The following ARHGEF11 variants were observed in gnomAD, a reference collection of about 807,000 sequenced individuals.
ARHGEF11 encodes Rho guanine exchange factor (GEF) 11.
A neutral mutation model predicts 193.7 loss-of-function variants in ARHGEF11; 55 were observed. The observed-to-expected ratio is 0.28, with a 90% confidence interval of 0.23 to 0.36. The LOEUF is 0.36. Among genes scored for constraint, ARHGEF11 ranks in the 10% least tolerant of loss-of-function variants. The pLI is 1.00. For synonymous variants in ARHGEF11, 693 were observed against 768.0 expected, an observed-to-expected ratio of 0.90 and a Z score of 1.62; for missense variants, 1,723 against 2,005.6, an observed-to-expected ratio of 0.86 and a Z score of 2.69.
intron 1 of ARHGEF11, among the ~76,000 whole-genome samples, chr1:157,005,501 T>C (rs1323337746): frequency 2.6e-5 from 4 of 152,208 alleles, no homozygotes; most frequent in Admixed American, 2.6e-4. Context: ...CAGGGCAGTT[T>C]CTCAAGGCCA....
chr1:156,974,764 T>C (rs1014252131), intron 7 of ARHGEF11, among the ~76,000 whole-genome samples: 7 of 152,252 alleles, frequency 4.6e-5, no homozygotes, highest in African/African-American at 1.7e-4. Flanking sequence ...TAATACGACC[T>C]GTAGATTTTT....
chr1:156,978,634 AGGCTGCCTCAGCAGCCTC>A (rs755130716), intron 5 of ARHGEF11, among the ~76,000 whole-genome samples: 1 of 152,218 alleles, frequency 6.6e-6, no homozygotes, highest in Non-Finnish European at 1.5e-5. Flanking sequence ...CACGCCCCAC[AGGCTGCCTCAGCAGCCTC>A]TTGTTTCCCC....
intron 1 of ARHGEF11, among the ~76,000 whole-genome samples, chr1:156,989,658 C>G (rs770533801): frequency 6.6e-6 from 1 of 152,148 alleles, no homozygotes; most frequent in Non-Finnish European, 1.5e-5. Context: ...CATCTCTGTC[C>G]ATCTCCTACT....
At chr1:156,959,773 C>A (rs1660512494) in intron 15 of ARHGEF11, among the ~76,000 whole-genome samples, 1 of 152,158 alleles carries the variant, frequency 6.6e-6, no homozygotes, top group South Asian at 2.1e-4. Context: ...TGATTAGCTT[C>A]TCAGGCTGAC....
At position 156,951,607 on chromosome 1, in the gene ARHGEF11, C is replaced by T. The variant is rs373614724; in HGVS notation, c.1891G>A (p.Gly631Arg). Reference protein sequence around the residue: ...PEPGTQRLSTGSFPEDLLESD... With the variant: ...PEPGTQRLSTRSFPEDLLESD... ...TCCAGCAGGTCCTCAGGAAAGCTTC[C>T]GGTCGAGAGTCGTTGTGTCCCAGGT... The change falls in exon 22 of 41, where the codon GGA (glycine) becomes AGA (arginine). Residue 631 changes from glycine to arginine, a missense_variant. By Grantham distance (125) the Gly-to-Arg change is moderately radical. Coordinates refer to ENST00000368194, the MANE Select transcript of ARHGEF11 (RefSeq NM_198236.3). 171 of 1,614,144 alleles carry T rather than the reference C, an allele frequency of 1.1e-4. No individual in the cohort carries two copies. The South Asian group carries it at 1.4e-3, about 13-fold the overall frequency.
Position 156,948,695 on chromosome 1 carries a change from C to T in ARHGEF11, c.1926-197G>A, listed in dbSNP as rs1658614251. 6.6e-7 allele frequency: 1 copy of T among 1,526,276 alleles called. No homozygotes were observed. The highest frequency in any genetic ancestry group is 8.8e-7 in the Non-Finnish European group (1 of 1,141,412). 94.5% of individuals were successfully genotyped at this position (1,526,276 alleles called of 1,614,324 possible). On this transcript the variant is annotated intron_variant, in intron 22 of 40. Transcript: ENST00000368194. The surrounding 1 kb of genome is among the most constrained non-coding windows in gnomAD (Gnocchi z 4.2). ...TATTTTTGCTGCTCTACAAACTCCTCCTCTCTCCCCAGCCTAGCCTGATGG... is the reference window on the plus strand; with the variant it reads ...TATTTTTGCTGCTCTACAAACTCCTTCTCTCTCCCCAGCCTAGCCTGATGG...
At chr1:156,978,458 G>C (rs896074626) in intron 5 of ARHGEF11, 76 bp from the exon 6 acceptor site, 20 of 1,492,192 alleles carry the variant, frequency 1.3e-5, no homozygotes, top group Non-Finnish European at 1.8e-5. Context: ...GGAGGGGGCT[G>C]TTCTCCCTTG....
At chr1:156,945,232 C>T (rs769329504) in intron 29 of ARHGEF11, 35 bp from the exon 30 acceptor site, 3 of 1,596,984 alleles carry the variant, frequency 1.9e-6, no homozygotes, top group Non-Finnish European at 2.6e-6. Context: ...GTTGGGGCTC[C>T]TGCCTGAGAA....
At chr1:157,001,144 C>T (rs1036110911) in intron 1 of ARHGEF11, among the ~76,000 whole-genome samples, 1 of 152,170 alleles carries the variant, frequency 6.6e-6, no homozygotes, top group Non-Finnish European at 1.5e-5. Context: ...CAGATCCCTG[C>T]CTGTGTACTG....
At chr1:157,027,870 A>G (rs1670837700) in intron 1 of ARHGEF11, among the ~76,000 whole-genome samples, 1 of 152,104 alleles carries the variant, frequency 6.6e-6, no homozygotes, top group Non-Finnish European at 1.5e-5. Context: ...GAAGTCAGCT[A>G]CTCTGAGGTC....
intron 1 of ARHGEF11, among the ~76,000 whole-genome samples, chr1:157,034,689 C>T (rs1023888546): frequency 6.6e-6 from 1 of 152,138 alleles, no homozygotes; most frequent in Non-Finnish European, 1.5e-5. Flanking sequence ...AAGAAGACAA[C>T]CCAGAACAAT....
At position 156,937,510 on chromosome 1, in the gene ARHGEF11, A is replaced by G; in HGVS notation, c.4193-14T>C. 1 of 1,513,224 alleles carries G rather than the reference A, an allele frequency of 6.6e-7. No homozygotes were observed. Among genetic ancestry groups the G allele is most frequent in the Non-Finnish European group, 8.8e-7 (1 of 1,132,282 alleles). The allele number at this position is 1,513,224 out of a possible 1,614,324, so 93.7% of individuals were successfully genotyped here. The stretch of plus-strand genomic sequence containing the variant: ...AAAAGCAGTTCCCTGTCCCCACAGT[A>G]AGAGAATGAGATCAGGAGGCAAACA... On this transcript the variant is annotated splice_polypyrimidine_tract_variant and intron_variant, in intron 38 of 40. Transcript: ENST00000368194.
chr1:156,960,168 C>T (rs886595085), intron 15 of ARHGEF11, among the ~76,000 whole-genome samples: 1 of 152,112 alleles, frequency 6.6e-6, no homozygotes, highest in African/African-American at 2.4e-5. Flanking sequence ...CTCCTAACTC[C>T]AAGTCCAATG....
In ARHGEF11 at chr1:156,947,941, G is replaced by T. The variant is rs1658444406; in HGVS notation, c.2169C>A (p.Pro723=). Residue 723 remains proline, a synonymous_variant, in exon 25 of 41, where the codon CCC becomes CCA. Transcript: ENST00000368194. ...PKMGRRSIES[P]SLGFCTDTLL... ...GGGTATCTGTGCAGAACCCCAAACTGGGGGACTCAATGCTCCTGGGGGAAA... is the reference window on the plus strand; with the variant it reads ...GGGTATCTGTGCAGAACCCCAAACTTGGGGACTCAATGCTCCTGGGGGAAA... The T allele has an allele frequency of 1.2e-6, 2 of 1,613,194 alleles. No individual in the cohort carries two copies. The highest frequency in any genetic ancestry group is 2.2e-5 in the South Asian group (2 of 91,038).
At chr1:157,021,229 C>T (rs1216327813) in intron 1 of ARHGEF11, among the ~76,000 whole-genome samples, 1 of 152,136 alleles carries the variant, frequency 6.6e-6, no homozygotes, top group East Asian at 1.9e-4. Flanking sequence ...AGAACCTGTC[C>T]TTAGATGCTT....
intron 29 of ARHGEF11, chr1:156,945,746 C>A (rs78526501): frequency 0.018 from 6,165 of 343,600 alleles, 293 homozygotes; most frequent in African/African-American, 0.1. Flanking sequence ...ACCAGAGGGA[C>A]CCAGGTGCCC....
chr1:156,951,459 G>A lies in ARHGEF11; in HGVS notation c.1925+114C>T, dbSNP rs773848025. The A allele has an allele frequency of 5.3e-4, 755 of 1,424,684 alleles. 1 individual carries two copies. Among genetic ancestry groups the A allele is most frequent in the Non-Finnish European group, 6.9e-4 (722 of 1,053,504 alleles). The allele number at this position is 1,424,684 out of a possible 1,614,324, so 88.3% of individuals were successfully genotyped here. ...GGGGTGGGGAGGAAGTTCTGTAAAGGGAGCCTTAGAAGCTAGTGGAGAGGG... is the reference window on the plus strand; with the variant it reads ...GGGGTGGGGAGGAAGTTCTGTAAAGAGAGCCTTAGAAGCTAGTGGAGAGGG... On this transcript the variant is annotated intron_variant, in intron 22 of 40. Transcript: ENST00000368194.
intron 1 of ARHGEF11, among the ~76,000 whole-genome samples, chr1:157,019,923 G>A (rs1248353859): frequency 2.6e-5 from 4 of 152,042 alleles, no homozygotes; most frequent in Admixed American, 6.6e-5. Context: ...TCAGGAGATC[G>A]AGACCATCCT....
In ARHGEF11 at chr1:156,939,574, G is replaced by A; in HGVS notation, c.4070C>T (p.Ala1357Val). 1.2e-6 allele frequency: 2 copies of A among 1,612,598 alleles called. No individual in the cohort carries two copies. The highest frequency in any genetic ancestry group is 1.7e-6 in the Non-Finnish European group (2 of 1,180,024). ...TTTTCTCACAACTTTGTAACCTCCT[G>A]CTGCCTCTGTGCTTGAAGCATCTTC... ...LAEDASSTEA[A>V]GGYKVVRKAE... The change falls in exon 37 of 41, where the codon GCA (alanine) becomes GTA (valine). Residue 1357 changes from alanine (A) to valine (V), a missense_variant. This residue lies in a region of ARHGEF11 where 360 missense variants were observed against 344.4 expected (regional missense o/e 1.05). Coordinates refer to ENST00000368194, the MANE Select transcript of ARHGEF11 (RefSeq NM_198236.3).
Sources: allele counts gnomAD v4.1 joint callset (sites outside exome capture counted in the v4.1 genomes callset), GRCh38; gene constraint gnomAD v4.1.1; regional missense constraint gnomAD v4.1.1; non-coding constraint Gnocchi (gnomAD v3.1); transcripts MANE v1.5; gene names NCBI Gene and HGNC (gene_info 2026-07-23, HGNC 2026-07-21).